The following QDPR variants were observed in gnomAD, a reference collection of about 807,000 sequenced individuals.
QDPR encodes dihydropteridine reductase.
A neutral mutation model predicts 31.7 loss-of-function variants in QDPR; 23 were observed. The ratio of observed to expected loss-of-function variants is 0.73; its 90% confidence interval spans 0.52 to 1.03. The LOEUF is 1.03. Among genes scored for constraint, QDPR ranks in the 50% least tolerant of loss-of-function variants. QDPR has a pLI of 0.00. For synonymous variants in QDPR, 124 were observed against 124.7 expected (o/e 0.99, Z 0.03); for missense variants, 324 against 323.8 (o/e 1.00, Z 0.00).
At chr4:17,506,062 A>T (rs1718776658) in intron 2 of QDPR, among the ~76,000 whole-genome samples, 1 of 152,134 alleles carries the variant, frequency 6.6e-6, no homozygotes. Context: ...AGAGACCCGC[A>T]CCTGGCAGGG....
At chr4:17,491,928 C>T (rs1034898991) in intron 5 of QDPR, among the ~76,000 whole-genome samples, 5 of 152,148 alleles carry the variant, frequency 3.3e-5, no homozygotes, top group Admixed American at 6.5e-5. Flanking sequence ...ATATAGAAGG[C>T]GCCATCTATG....
chr4:17,509,308 A>C lies in QDPR; in HGVS notation c.161T>G (p.Val54Gly), dbSNP rs1718910067. 2 of 1,614,148 alleles carry C rather than the reference A, an allele frequency of 1.2e-6. No homozygotes were observed. Among genetic ancestry groups the C allele is most frequent in the Non-Finnish European group, 1.7e-6 (2 of 1,179,984 alleles). ...ENEEASASII[V>G]KMTDSFTEQA... ...CTCAGTGAACGAGTCTGTCATTTTA[A>C]CAATGATGCTAGCGCTGGCCTCTTC... Residue 54 changes from valine to glycine, a missense_variant, in exon 2 of 7, where the codon GTT becomes GGT. Physicochemically the swap from Val to Gly is moderately radical, Grantham distance 109 (BLOSUM62 -3). Transcript: ENST00000281243.
At chr4:17,496,688 T>A (rs973471650) in intron 4 of QDPR, among the ~76,000 whole-genome samples, 1 of 151,062 alleles carries the variant, frequency 6.6e-6, no homozygotes, top group Non-Finnish European at 1.5e-5. Context: ...CAGGCTAGAG[T>A]GCAATGGTGC....
At position 17,509,285 on chromosome 4, in the gene QDPR, C is replaced by A; in HGVS notation, c.184G>T (p.Glu62Ter). 1 of 1,614,016 alleles carries A rather than the reference C, an allele frequency of 6.2e-7. No homozygotes were observed. Among genetic ancestry groups the A allele is most frequent in the Non-Finnish European group, 8.5e-7 (1 of 1,179,934 alleles). ...IIVKMTDSFT[E>*]QADQVTAEVG... is the part of the protein sequence containing the mutation. ...TTTGAAACTACCTGGTCAGCCTGCTCAGTGAACGAGTCTGTCATTTTAACA... is the reference window on the plus strand; with the variant it reads ...TTTGAAACTACCTGGTCAGCCTGCTAAGTGAACGAGTCTGTCATTTTAACA... The change falls in exon 2 of 7, where the codon GAG (glutamate) becomes TAG (stop). Residue 62 changes from glutamate to a stop codon, truncating the protein, a stop_gained. Transcript: ENST00000281243. LOFTEE classifies it high-confidence loss of function.
At chr4:17,499,322 G>A (rs1431217870) in intron 4 of QDPR, among the ~76,000 whole-genome samples, 1 of 152,160 alleles carries the variant, frequency 6.6e-6, no homozygotes, top group East Asian at 1.9e-4. Flanking sequence ...AAGGATACCT[G>A]CAAACCAAAG....
chr4:17,490,532 G>T lies in QDPR; in HGVS notation c.629+130C>A, dbSNP rs922024634. ...CCGTCTGATGTGCAATGCATCCTCA[G>T]AGTCCCAGAGACCTCCCAAGACCAC... On this transcript the variant is annotated intron_variant, in intron 6 of 6. Coordinates refer to ENST00000281243, the MANE Select transcript of QDPR (RefSeq NM_000320.3). 7 of 722,206 alleles carry T rather than the reference G, an allele frequency of 9.7e-6. No individual in the cohort carries two copies. In the African/African-American group the frequency reaches 1.2e-4, roughly 13 times the overall value. 44.7% of individuals were successfully genotyped at this position (722,206 alleles called of 1,614,324 possible). A position where few individuals can be genotyped will look rare whatever the true frequency, so the allele number is the denominator to read the frequency against.
chr4:17,509,472 A>G (rs1163402253), intron 1 of QDPR, 109 bp from the exon 2 acceptor site: 1 of 951,238 alleles, frequency 1.1e-6, no homozygotes, highest in Non-Finnish European at 1.7e-6. Context: ...CACGTCTGTA[A>G]TGCCAGCACT....
intron 6 of QDPR, among the ~76,000 whole-genome samples, chr4:17,489,560 CT>C (rs1718085992): frequency 6.6e-6 from 1 of 152,188 alleles, no homozygotes; most frequent in Admixed American, 6.5e-5. Context: ...AGCCACACCA[CT>C]TGTGTCAGAT....
chr4:17,496,472 A>AG (rs1718362495), intron 4 of QDPR, among the ~76,000 whole-genome samples: 1 of 129,864 alleles, frequency 7.7e-6, no homozygotes, highest in Non-Finnish European at 1.7e-5. Context: ...AAAAAAAAAA[A>AG]GAACAAACTG....
intron 1 of QDPR, chr4:17,509,827 C>G (rs1372653109): frequency 2.6e-6 from 1 of 391,328 alleles, no homozygotes; most frequent in Non-Finnish European, 5.1e-6. Flanking sequence ...CCTCCTACCT[C>G]CAAACACTCT....
At chr4:17,487,345 G>T in intron 6 of QDPR, 109 bp from the exon 7 acceptor site, 1 of 834,234 alleles carries the variant, frequency 1.2e-6, no homozygotes, top group Non-Finnish European at 2.0e-6. Flanking sequence ...TGGCACAGCA[G>T]CGACTGTTTA....
At chr4:17,494,329 T>A (rs1308326811) in intron 4 of QDPR, among the ~76,000 whole-genome samples, 1 of 152,136 alleles carries the variant, frequency 6.6e-6, no homozygotes, top group African/African-American at 2.4e-5. Flanking sequence ...AGTCACCAAG[T>A]CAGGTGAAAC....
At chr4:17,491,333 A>T (rs1577185210) in intron 5 of QDPR, among the ~76,000 whole-genome samples, 1 of 152,324 alleles carries the variant, frequency 6.6e-6, no homozygotes, top group Admixed American at 6.5e-5. Flanking sequence ...TCACAACTAA[A>T]AGGGAACCAG....
intron 6 of QDPR, chr4:17,490,278 A>G (rs1386437744): frequency 6.4e-6 from 2 of 310,530 alleles, no homozygotes; most frequent in Non-Finnish European, 1.3e-5. Context: ...GCTGGGGATC[A>G]CTGAGCACTT....
intron 6 of QDPR, among the ~76,000 whole-genome samples, chr4:17,488,849 A>C (rs1323222190): frequency 1.4e-4 from 21 of 152,154 alleles, no homozygotes; most frequent in Admixed American, 1.4e-3. Context: ...TCAAAAAACA[A>C]AGCGTTGCTA....
chr4:17,489,588 G>A (rs986898837), intron 6 of QDPR, among the ~76,000 whole-genome samples: 3 of 152,122 alleles, frequency 2.0e-5, no homozygotes, highest in African/African-American at 4.8e-5. Flanking sequence ...TGTGCTGTGT[G>A]ACCTTAGGCG....
chr4:17,510,932 A>G (rs1718982709), intron 1 of QDPR, among the ~76,000 whole-genome samples: 3 of 152,194 alleles, frequency 2.0e-5, no homozygotes, highest in Admixed American at 2.0e-4. Flanking sequence ...ATATTCCTGT[A>G]CCAGATTCTG....
chr4:17,501,827 G>T lies in QDPR; in HGVS notation c.328C>A (p.Gln110Lys), dbSNP rs1262627752. Residue 110 changes from glutamine to lysine, a missense_variant, in exon 4 of 7, where the codon CAG becomes AAG. Transcript: ENST00000281243. ...GAGATGGTCGATGTCCATATGCTCTGCTTCCACATCAGGTCACAGTTCTTA... is the reference window on the plus strand; with the variant it reads ...GAGATGGTCGATGTCCATATGCTCTTCTTCCACATCAGGTCACAGTTCTTA... ...LFKNCDLMWK[Q>K]SIWTSTISSH... is the part of the protein sequence containing the mutation. 1.9e-6 allele frequency: 3 copies of T among 1,614,080 alleles called. No homozygotes were observed. In the African/African-American group the frequency reaches 4.0e-5, roughly 22 times the overall value.
intron 4 of QDPR, among the ~76,000 whole-genome samples, chr4:17,497,107 C>A (rs570855017): frequency 6.6e-6 from 1 of 152,158 alleles, no homozygotes; most frequent in East Asian, 1.9e-4. Flanking sequence ...CTAGAATGGG[C>A]ACAGAATGCT....
Sources: allele counts gnomAD v4.1 joint callset (sites outside exome capture counted in the v4.1 genomes callset), GRCh38; gene constraint gnomAD v4.1.1; transcripts MANE v1.5; gene names NCBI Gene and HGNC (gene_info 2026-07-23, HGNC 2026-07-21).